Variants in SCAI observed in about 807,000 individuals in gnomAD.
The protein encoded by SCAI is protein SCAI.
A neutral mutation model predicts 92.2 loss-of-function variants in SCAI; 24 were observed. The ratio of observed to expected loss-of-function variants is 0.26; its 90% CI spans 0.19 to 0.37. The LOEUF is 0.37. Among genes scored for constraint, SCAI ranks in the 10% least tolerant of loss-of-function variants. The pLI, the probability that SCAI is intolerant of heterozygous loss-of-function variation, is 1.00. For synonymous variants in SCAI, 261 were observed against 258.6 expected (o/e 1.01, Z -0.09); for missense variants, 450 against 736.2 (o/e 0.61, Z 4.50).
chr9:124,979,565 A>G (rs1831836065), intron 14 of SCAI, among the ~76,000 whole-genome samples: 2 of 152,114 alleles, frequency 1.3e-5, no homozygotes, highest in Non-Finnish European at 1.5e-5. Flanking sequence ...AAAAAAGACT[A>G]TTTGTTTTAG....
At chr9:125,058,101 TA>T (rs34425131) in intron 2 of SCAI, among the ~76,000 whole-genome samples, 96 of 149,370 alleles carry the variant, frequency 6.4e-4, no homozygotes, top group Middle Eastern at 3.5e-3. Context: ...CCCATTTCTT[TA>T]AAAAAAAAAA....
chr9:124,992,402 G>A (rs1356069620), intron 14 of SCAI, among the ~76,000 whole-genome samples: 1 of 135,634 alleles, frequency 7.4e-6, no homozygotes, highest in African/African-American at 2.8e-5. Context: ...TTTTTTTGTT[G>A]AGACAGAATC....
intron 9 of SCAI, among the ~76,000 whole-genome samples, chr9:125,007,112 G>A (rs1267956688): frequency 6.6e-6 from 1 of 151,950 alleles, no homozygotes; most frequent in Admixed American, 6.6e-5. Context: ...GAGCAAGACT[G>A]TCTCAAAACA....
At chr9:125,139,597 G>A (rs373811471) in intron 2 of SCAI, among the ~76,000 whole-genome samples, 17 of 152,278 alleles carry the variant, frequency 1.1e-4, no homozygotes, top group South Asian at 4.1e-4. Context: ...ATTGAAAATC[G>A]ATATGGCCAA....
At chr9:125,090,692 C>T (rs1030076019) in intron 2 of SCAI, among the ~76,000 whole-genome samples, 5 of 152,152 alleles carry the variant, frequency 3.3e-5, no homozygotes, top group South Asian at 2.1e-4. Flanking sequence ...GACATAGCAG[C>T]GACCTCCTGG....
intron 3 of SCAI, 60 bp from the exon 4 acceptor site, chr9:125,029,799 T>C: frequency 9.9e-7 from 1 of 1,011,388 alleles, no homozygotes; most frequent in South Asian, 1.7e-5. Flanking sequence ...GGAAATTATG[T>C]CTTGTGATGG....
At chr9:124,976,851 C>G (rs374987365) in intron 14 of SCAI, among the ~76,000 whole-genome samples, 4 of 151,844 alleles carry the variant, frequency 2.6e-5, no homozygotes, top group African/African-American at 9.6e-5. Flanking sequence ...TGAATGAAGA[C>G]TTGAACAAAT....
intron 2 of SCAI, among the ~76,000 whole-genome samples, chr9:125,066,432 TTTTTA>T (rs1182817059): frequency 2.0e-5 from 3 of 151,182 alleles, no homozygotes; most frequent in African/African-American, 4.9e-5. Context: ...GGTATACCAT[TTTTTA>T]TTTTATTTTA....
In SCAI at chr9:124,956,853, G is replaced by GAA. The variant is rs986044220; in HGVS notation, c.1675-3902_1675-3901dup. Among the ~76,000 whole-genome samples the GAA allele has an allele frequency of 6.6e-5, 10 of 151,980 alleles. 1 individual carries two copies. Among genetic ancestry groups the GAA allele is most frequent in the African/African-American group, 2.4e-4 (10 of 41,488 alleles). On this transcript the variant is annotated intron_variant, in intron 17 of 17. Transcript: ENST00000336505. ...ATAACAAGAAAAGGCATATAGATTG[G>GAA]AAAAAAAGAAGTAAAGCTGTTTTTT... is the stretch of plus-strand genomic sequence containing the variant.
chr9:125,044,208 G>A (rs1027143202), intron 3 of SCAI, among the ~76,000 whole-genome samples: 3 of 152,096 alleles, frequency 2.0e-5, no homozygotes, highest in Admixed American at 1.3e-4. Flanking sequence ...GGCCTGGGGG[G>A]ATAAGGCTGC....
intron 2 of SCAI, among the ~76,000 whole-genome samples, chr9:125,122,323 G>T (rs950961931): frequency 4.9e-4 from 75 of 152,184 alleles, no homozygotes; most frequent in African/African-American, 1.8e-3. Context: ...AGGCACGGTG[G>T]CTCATGCCTA....
chr9:124,998,044 A>G (rs1263776113), intron 13 of SCAI, among the ~76,000 whole-genome samples: 1 of 152,016 alleles, frequency 6.6e-6, no homozygotes, highest in African/African-American at 2.4e-5. Context: ...GGTTCATGTG[A>G]TCCTCCTACC....
chr9:125,045,846 C>T (rs1379116689), intron 3 of SCAI, among the ~76,000 whole-genome samples: 1 of 152,024 alleles, frequency 6.6e-6, no homozygotes, highest in East Asian at 1.9e-4. Flanking sequence ...ATGAATTCTT[C>T]AGGGTTCTTA....
intron 9 of SCAI, among the ~76,000 whole-genome samples, chr9:125,013,143 T>A (rs1471477512): frequency 6.6e-6 from 1 of 151,936 alleles, no homozygotes; most frequent in African/African-American, 2.4e-5. Context: ...AGCAAACACA[T>A]TCAAAAGCTA....
chr9:125,078,227 A>C (rs1452753279), intron 2 of SCAI, among the ~76,000 whole-genome samples: 1 of 151,946 alleles, frequency 6.6e-6, no homozygotes, highest in Admixed American at 6.6e-5. Flanking sequence ...ATATATAAAC[A>C]AAAAAAAGTC....
intron 13 of SCAI, among the ~76,000 whole-genome samples, chr9:124,998,671 C>CCAGA (rs1832296280): frequency 6.6e-6 from 1 of 151,956 alleles, no homozygotes; most frequent in South Asian, 2.1e-4. Flanking sequence ...GCTCTATCAC[C>CCAGA]CAGACTGGAG....
intron 3 of SCAI, among the ~76,000 whole-genome samples, chr9:125,032,995 A>G (rs1318420129): frequency 6.6e-6 from 1 of 152,236 alleles, no homozygotes; most frequent in African/African-American, 2.4e-5. Flanking sequence ...TTCAATTAAT[A>G]GGATTATTGG....
chr9:124,987,015 G>T (rs1339323845), intron 14 of SCAI, among the ~76,000 whole-genome samples: 2 of 152,154 alleles, frequency 1.3e-5, no homozygotes, highest in Admixed American at 6.5e-5. Context: ...AAAAGAAAAA[G>T]AAGTATTGCC....
chr9:124,996,458 C>T (rs936686634), intron 13 of SCAI, among the ~76,000 whole-genome samples: 10 of 151,848 alleles, frequency 6.6e-5, no homozygotes, highest in African/African-American at 1.5e-4. Flanking sequence ...TGCACCTCAA[C>T]GCCTGGCTCA....
Sources: gnomAD v4.1 joint callset for allele counts (sites outside exome capture counted in the v4.1 genomes callset) on GRCh38, gnomAD v4.1.1 for gene constraint, MANE v1.5 for transcripts, NCBI Gene and HGNC (gene_info 2026-07-23, HGNC 2026-07-21) for gene names.